HNRNPU: variants seen among roughly 807,000 people sequenced by gnomAD.
HNRNPU encodes the protein HNRNPU antisense RNA 1.
In HNRNPU, 5 loss-of-function variants were observed where a neutral mutation model predicts 94.7. The ratio of observed to expected loss-of-function variants is 0.05; its 90% confidence interval spans 0.03 to 0.11. HNRNPU has a LOEUF of 0.11. Ranked by LOEUF, HNRNPU falls within the 10% of genes least tolerant of loss-of-function variation. The pLI, the probability that HNRNPU is intolerant of heterozygous loss-of-function variation, is 1.00. For missense variants in HNRNPU, 710 were observed against 1,049.2 expected (o/e 0.68, Z 4.47); for synonymous variants, 434 against 381.6 (o/e 1.14, Z -1.60).
chr1:244,863,525 T>C (rs1573337248), intron 1 of HNRNPU, 92 bp downstream of exon 1: 10 of 1,142,954 alleles, frequency 8.7e-6, no homozygotes, highest in Non-Finnish European at 9.7e-6. Context: ...CGCCCGGGGC[T>C]CCCTCCCCCT....
In HNRNPU at chr1:244,854,397, A is replaced by G. The variant is rs1680622687; in HGVS notation, c.*53T>C. 8.3e-7 allele frequency: 1 copy of G among 1,206,358 alleles called. No individual in the cohort carries two copies. Among genetic ancestry groups the G allele is most frequent in the African/African-American group, 1.5e-5 (1 of 66,702 alleles). The allele number at this position is 1,206,358 out of a possible 1,614,324, so 74.7% of individuals were successfully genotyped here. The stretch of plus-strand genomic sequence containing the variant: ...GTTAGCCTACTAAAGAAAACAGTCG[A>G]CTTCTTGTGAAGGTTTTGGAGAAAT... On this transcript the variant is annotated 3_prime_UTR_variant, in exon 14 of 14. Transcript: ENST00000640218.
intron 8 of HNRNPU, 148 bp downstream of exon 8, chr1:244,857,450 T>C: frequency 1.3e-6 from 1 of 762,170 alleles, no homozygotes; most frequent in South Asian, 2.0e-5. Flanking sequence ...CTTCGCCATG[T>C]TGGCCAGGTG....
intron 11 of HNRNPU, 37 bp from the exon 12 acceptor site, chr1:244,855,645 T>A (rs368090978): frequency 3.1e-5 from 50 of 1,591,366 alleles, no homozygotes; most frequent in Non-Finnish European, 4.3e-5. Flanking sequence ...CATTGTATAT[T>A]GTACCCTACT....
chr1:244,859,454 CG>C (rs1680769668), intron 4 of HNRNPU, 80 bp from the exon 5 acceptor site: 1 of 695,732 alleles, frequency 1.4e-6, no homozygotes, highest in Non-Finnish European at 2.6e-6. Context: ...CATTGCGCCA[CG>C]GGCTAATCTT....
Position 244,856,430 on chromosome 1 carries a change from C to T in HNRNPU, c.1912+27G>A, listed in dbSNP as rs1294413396. On this transcript the variant is annotated intron_variant, in intron 10 of 13. Coordinates refer to ENST00000640218, the MANE Select transcript of HNRNPU (RefSeq NM_031844.3). The stretch of plus-strand genomic sequence containing the variant: ...ACATTCTTTTAAAAAGAAGATTTCA[C>T]ACAGTAACAGAATTAAAATTCCATG... The T allele has an allele frequency of 4.4e-6, 7 of 1,585,466 alleles. No individual in the cohort carries two copies. The African/African-American group carries it at 8.2e-5, about 19-fold the overall frequency.
chr1:244,859,607 T>C, intron 4 of HNRNPU: 3 of 321,688 alleles, frequency 9.3e-6, no homozygotes, highest in Non-Finnish European at 5.6e-6. Flanking sequence ...TTAATATTTT[T>C]AAAGTTCATG....
At chr1:244,857,943 C>T in intron 7 of HNRNPU, 68 bp downstream of exon 7, 2 of 1,470,574 alleles carry the variant, frequency 1.4e-6, no homozygotes, top group Non-Finnish European at 1.8e-6. Context: ...TCTAGTTCTT[C>T]TAAATGTCAT....
chr1:244,859,479 A>T, intron 4 of HNRNPU, 105 bp from the exon 5 acceptor site: 1 of 613,434 alleles, frequency 1.6e-6, no homozygotes, highest in Non-Finnish European at 2.9e-6. Context: ...CTAGCTATAA[A>T]TACAAAGAAG....
At position 244,850,488 on chromosome 1, in the gene HNRNPU, A is replaced by G. The variant is rs1207897732; in HGVS notation, c.*3962T>C. 7.8e-6 allele frequency: 1 copy of G among 128,212 alleles called. No individual in the cohort carries two copies. Among genetic ancestry groups the G allele is most frequent in the Non-Finnish European group, 1.6e-5 (1 of 61,512 alleles). 7.9% of individuals were successfully genotyped at this position (128,212 alleles called of 1,614,324 possible). Reference sequence around the variant, plus strand: ...AGCTGTGCCCACACCCCCCCCCAAAAAAAAGCTTTAATAAAGGCACTGCAG... The same window carrying G: ...AGCTGTGCCCACACCCCCCCCCAAAGAAAAGCTTTAATAAAGGCACTGCAG... On this transcript the variant is annotated 3_prime_UTR_variant, in exon 14 of 14. Transcript: ENST00000640218.
chr1:244,855,844 T>A, intron 11 of HNRNPU, 60 bp downstream of exon 11: 1 of 1,576,876 alleles, frequency 6.3e-7, no homozygotes, highest in African/African-American at 1.4e-5. Flanking sequence ...ACATCCAAAC[T>A]ATAAAATTAT....
Position 244,864,491 on chromosome 1 carries a change from T to C in HNRNPU, c.-184A>G, listed in dbSNP as rs927344396. ...ACGGCGCCAATTCCTTTCACCGAGT[T>C]CGCGAGGGAGACGCGGAGACTCGCC... On this transcript the variant is annotated 5_prime_UTR_variant, in exon 1 of 14. Coordinates refer to ENST00000640218, the MANE Select transcript of HNRNPU (RefSeq NM_031844.3). 1.9e-6 allele frequency: 2 copies of C among 1,030,604 alleles called. No homozygotes were observed. Among genetic ancestry groups the C allele is most frequent in the African/African-American group, 3.4e-5 (2 of 58,750 alleles). 63.8% of individuals were successfully genotyped at this position (1,030,604 alleles called of 1,614,324 possible).
At chr1:244,861,498 C>G (rs1461389063) in intron 3 of HNRNPU, 1 of 152,158 alleles carries the variant, frequency 6.6e-6, no homozygotes, top group Non-Finnish European at 1.5e-5. Flanking sequence ...GCTCAGATGA[C>G]TATCTCAACC....
rs781659437 is a variant in HNRNPU, at chr1:244,863,869, C to T, written c.439G>A (p.Asp147Asn). The T allele has an allele frequency of 2.5e-6, 4 of 1,613,704 alleles. No individual in the cohort carries two copies. Among genetic ancestry groups the T allele is most frequent in the Non-Finnish European group, 3.4e-6 (4 of 1,179,874 alleles). The change falls in exon 1 of 14, where the codon GAC (aspartate) becomes AAC (asparagine). Residue 147 changes from aspartate to asparagine, a missense_variant. Transcript: ENST00000640218. ...GFQEGEDELG[D>N]EEEGAGDENG... The stretch of plus-strand genomic sequence containing the variant: ...TCGTCGCCCGCGCCTTCCTCTTCGT[C>T]CCCGAGCTCATCTTCCCCTTCCTGG...
chr1:244,855,019 C>T lies in HNRNPU; in HGVS notation c.2378G>A (p.Arg793His). 1.2e-6 allele frequency: 2 copies of T among 1,613,776 alleles called. No individual in the cohort carries two copies. Among genetic ancestry groups the T allele is most frequent in the Non-Finnish European group, 1.7e-6 (2 of 1,179,698 alleles). ...NQNFRGRGNN[R>H]GYKNQSQGYN... The stretch of plus-strand genomic sequence containing the variant: ...GCCCTGAGATTGATTTTTGTAGCCA[C>T]GATTGTTTCCTCGTCCTCTGAAGTT... The change falls in exon 13 of 14, where the codon CGT (arginine) becomes CAT (histidine). Residue 793 changes from arginine to histidine, a missense_variant. Physicochemically the swap from Arg to His is conservative, Grantham distance 29. Around this residue, in one of 8 missense-constraint regions of HNRNPU, gnomAD observed 152 missense variants for 238.9 expected, o/e 0.64. Transcript: ENST00000640218.
chr1:244,851,237 CCT>C lies in HNRNPU; in HGVS notation c.*3211_*3212del, dbSNP rs367771932. On this transcript the variant is annotated 3_prime_UTR_variant, in exon 14 of 14. Transcript: ENST00000640218. ...ACTTGGACTCTAAGATATGTTTATGCCTCTCTGTTTATTCTAGTTTTTTAAAA... is the reference window on the plus strand; with the variant it reads ...ACTTGGACTCTAAGATATGTTTATGCCTCTGTTTATTCTAGTTTTTTAAAA... 4 of 152,186 alleles carry C rather than the reference CCT, an allele frequency of 2.6e-5. No individual in the cohort carries two copies. Among genetic ancestry groups the C allele is most frequent in the Admixed American group, 6.5e-5 (1 of 15,278 alleles). 9.4% of individuals were successfully genotyped at this position (152,186 alleles called of 1,614,324 possible).
chr1:244,856,607 C>G lies in HNRNPU; in HGVS notation c.1762G>C (p.Ala588Pro). Residue 588 changes from alanine to proline, a missense_variant, in exon 10 of 14, where the codon GCC (alanine) becomes CCC (proline). Around this residue, in one of 8 missense-constraint regions of HNRNPU, gnomAD observed 31 missense variants for 132.4 expected, o/e 0.23. Transcript: ENST00000640218. Reference sequence around the variant, plus strand: ...AACAGGCACATTTTTCTCCTCTGGGCAGCAGCAGACACATTTGTCTTTAAA... The same window carrying G: ...AACAGGCACATTTTTCTCCTCTGGGGAGCAGCAGACACATTTGTCTTTAAA... ...ILDQTNVSAAAQRRKMCLFAG... is the reference protein window; with the variant it reads ...ILDQTNVSAAPQRRKMCLFAG... 1 of 1,613,820 alleles carries G rather than the reference C, an allele frequency of 6.2e-7. No homozygotes were observed. Among genetic ancestry groups the G allele is most frequent in the Non-Finnish European group, 8.5e-7 (1 of 1,179,950 alleles).
chr1:244,855,831 G>T, intron 11 of HNRNPU, 73 bp downstream of exon 11: 1 of 1,539,794 alleles, frequency 6.5e-7, no homozygotes. Context: ...AGAAACTTCA[G>T]CTACATCCAA....
At chr1:244,856,694 G>A (rs1680689139) in intron 9 of HNRNPU, 34 bp downstream of exon 9, 1 of 1,605,274 alleles carries the variant, frequency 6.2e-7, no homozygotes, top group South Asian at 1.1e-5. Context: ...TAAATTATCA[G>A]TTAATATTTT....
In HNRNPU at chr1:244,855,278, C is replaced by A. The variant is rs375104569; in HGVS notation, c.2352+146G>T. ...GAAAAAACTCAAAAGTAAGTAGACT[C>A]ATTTCACCATTACTAGTTCAATTTT... On this transcript the variant is annotated intron_variant, in intron 12 of 13. Transcript: ENST00000640218. 1.8e-4 allele frequency: 147 copies of A among 827,632 alleles called. No individual in the cohort carries two copies. The East Asian group carries it at 3.1e-3, about 17-fold the overall frequency. The allele number at this position is 827,632 out of a possible 1,614,324, so 51.3% of individuals were successfully genotyped here. A position where few individuals can be genotyped will look rare whatever the true frequency, so the allele number is the denominator to read the frequency against.
Sources: allele counts gnomAD v4.1 joint callset, GRCh38; gene constraint gnomAD v4.1.1; regional missense constraint gnomAD v4.1.1; transcripts MANE v1.5; gene names NCBI Gene and HGNC (gene_info 2026-07-23, HGNC 2026-07-21).